The following TF variants were observed in gnomAD, a reference collection of about 807,000 sequenced individuals.
TF encodes the protein serotransferrin.
Under a neutral mutation model 82.4 loss-of-function variants are expected in TF, and 55 were observed. The ratio of observed to expected loss-of-function variants is 0.67; its 90% confidence interval spans 0.54 to 0.84. TF has a LOEUF of 0.84. Among genes scored for constraint, TF ranks in the 40% least tolerant of loss-of-function variants. TF has a pLI of 0.00. For synonymous variants in TF, 332 were observed against 332.6 expected (o/e 1.00, Z 0.02); for missense variants, 737 against 868.4 (o/e 0.85, Z 1.90).
intron 7 of TF, 75 bp from the exon 8 acceptor site, chr3:133,757,694 C>A (rs1388173161): frequency 1.4e-5 from 20 of 1,427,922 alleles, no homozygotes; most frequent in East Asian, 1.1e-4. Context: ...GCAGAGATTT[C>A]TTTTCTCTTC....
the TF span, among the ~76,000 whole-genome samples, chr3:133,684,683 A>T: frequency 2.0e-5 from 3 of 152,208 alleles, no homozygotes; most frequent in Non-Finnish European, 4.4e-5. Flanking sequence ...ATAGACCAAT[A>T]ACAGGCTCTG....
the TF span, among the ~76,000 whole-genome samples, chr3:133,698,356 G>A: frequency 4.1e-3 from 630 of 152,308 alleles, 18 homozygotes; most frequent in Admixed American, 0.036. Flanking sequence ...ATCTGTATTC[G>A]TTTTCTAGGA....
At chr3:133,662,664 A>T in the TF span, among the ~76,000 whole-genome samples, 1 of 41,932 alleles carries the variant, frequency 2.4e-5, no homozygotes, top group East Asian at 7.3e-4. Flanking sequence ...GGGAGAGGGG[A>T]TAAGATGGGC....
At chr3:133,699,393 C>G in the TF span, 1 of 969,178 alleles carries the variant, frequency 1.0e-6, no homozygotes, top group Non-Finnish European at 1.5e-6. Flanking sequence ...GTCATCCTAA[C>G]TATGGCTCAT....
At chr3:133,738,319 A>G in the TF span, among the ~76,000 whole-genome samples, 9 of 152,228 alleles carry the variant, frequency 5.9e-5, no homozygotes, top group African/African-American at 2.2e-4. Context: ...ATCTCAAAAT[A>G]ATAAAAGCTA....
chr3:133,707,180 A>G, the TF span, among the ~76,000 whole-genome samples: 1 of 139,154 alleles, frequency 7.2e-6, no homozygotes, highest in Admixed American at 7.7e-5. Context: ...GGGGAGAGTT[A>G]ACCTCAGAGT....
At chr3:133,777,565 T>C (rs1269443739) in intron 16 of TF, 5 of 250,940 alleles carry the variant, frequency 2.0e-5, no homozygotes, top group South Asian at 1.7e-4. Flanking sequence ...TTGTCCAATA[T>C]GGTAGCCACC....
chr3:133,666,215 C>G, the TF span, among the ~76,000 whole-genome samples: 1 of 152,076 alleles, frequency 6.6e-6, no homozygotes, highest in African/African-American at 2.4e-5. Context: ...CTCTGTCGCC[C>G]AGGTTAGAGT....
At chr3:133,777,328 G>A (rs1934421028) in intron 16 of TF, 90 bp downstream of exon 16, 4 of 1,308,824 alleles carry the variant, frequency 3.1e-6, no homozygotes, top group Non-Finnish European at 4.3e-6. Flanking sequence ...GTAGGCTGTG[G>A]CCCTTGGGAT....
the TF span, among the ~76,000 whole-genome samples, chr3:133,679,932 A>G: frequency 1.3e-5 from 2 of 152,296 alleles, no homozygotes. Context: ...CAGCTGCACC[A>G]TGTCCTGCCA....
intron 16 of TF, chr3:133,777,532 G>C (rs1934426812): frequency 3.0e-6 from 1 of 335,288 alleles, no homozygotes; most frequent in Middle Eastern, 9.0e-4. Flanking sequence ...TTGCTCTGCA[G>C]TAAACTTTTG....
chr3:133,738,829 G>A, the TF span, among the ~76,000 whole-genome samples: 3 of 152,120 alleles, frequency 2.0e-5, no homozygotes, highest in East Asian at 5.8e-4. Context: ...CAAACAAATG[G>A]AAAAACATTC....
At chr3:133,756,476 A>T (rs560209296) in intron 6 of TF, 139 bp downstream of exon 6, 2 of 1,006,760 alleles carry the variant, frequency 2.0e-6, no homozygotes, top group East Asian at 5.2e-5. Context: ...CCACCTGTGC[A>T]GAGTTAGGTA....
upstream of TF, among the ~76,000 whole-genome samples, chr3:133,744,525 C>T (rs1020435691): frequency 6.6e-6 from 1 of 152,216 alleles, no homozygotes; most frequent in Admixed American, 6.5e-5. Flanking sequence ...GAATCCAGAC[C>T]ACTGCCTAGA....
At chr3:133,766,605 G>C (rs1934133675) in intron 12 of TF, among the ~76,000 whole-genome samples, 172 bp downstream of exon 12, 1 of 152,234 alleles carries the variant, frequency 6.6e-6, no homozygotes, top group African/African-American at 2.4e-5. Flanking sequence ...ACAAGGGCTG[G>C]AAGGACTGGA....
chr3:133,774,861 GT>G (rs35736766), intron 14 of TF: 182,463 of 222,168 alleles, frequency 0.82, 71,893 homozygotes, highest in Middle Eastern at 0.91. Flanking sequence ...GAATGGGTGA[GT>G]TTTTTTTTTT....
chr3:133,782,801 AAAAAAAAAC>A lies in TF; in HGVS notation c.*4191_*4199del, dbSNP rs1035873770. On this transcript the variant is annotated 3_prime_UTR_variant, in exon 17 of 17. Coordinates refer to ENST00000402696, the MANE Select transcript of TF (RefSeq NM_001063.4). Reference sequence around the variant, plus strand: ...CAAAACCCCATCTCTGCAAAAAAAAAAAAAAAAACAAAAAAAACCCCAAAAAACCAAAAC... The same window carrying A: ...CAAAACCCCATCTCTGCAAAAAAAAAAAAAAAAACCCCAAAAAACCAAAAC... The A allele has an allele frequency of 6.6e-6, 1 of 151,626 alleles. No homozygotes were observed. The highest frequency in any genetic ancestry group is 2.4e-5 in the African/African-American group (1 of 41,218). The allele number at this position is 151,626 out of a possible 1,614,324, so 9.4% of individuals were successfully genotyped here.
chr3:133,770,462 A>T (rs1183258192), intron 13 of TF, 46 bp from the exon 14 acceptor site: 1 of 1,596,820 alleles, frequency 6.3e-7, no homozygotes, highest in Non-Finnish European at 8.6e-7. Context: ...CAGATAAGTC[A>T]CTCTGACCGC....
the TF span, among the ~76,000 whole-genome samples, chr3:133,705,348 G>A: frequency 6.6e-6 from 1 of 152,042 alleles, no homozygotes; most frequent in Non-Finnish European, 1.5e-5. Context: ...CTGACTCCCT[G>A]GACTGGGTTC....
Sources: allele counts gnomAD v4.1 joint callset (sites outside exome capture counted in the v4.1 genomes callset), GRCh38; gene constraint gnomAD v4.1.1; transcripts MANE v1.5; gene names NCBI Gene and HGNC (gene_info 2026-07-23, HGNC 2026-07-21).